The following NBAS variants were observed in gnomAD, a reference collection of about 807,000 sequenced individuals.
NBAS encodes the protein NAG/BC035112 fusion.
A neutral mutation model predicts 302.5 loss-of-function variants in NBAS; 219 were observed. The ratio of observed to expected loss-of-function variants is 0.72; its 90% CI spans 0.65 to 0.81. The LOEUF is 0.81. NBAS is among the 30% of genes least tolerant of loss of function. The pLI, the probability that NBAS is intolerant of heterozygous loss-of-function variation, is 0.00. For synonymous variants in NBAS, 1,118 were observed against 1,021.6 expected (o/e 1.09, Z -1.80); for missense variants, 2,932 against 2,841.6 (o/e 1.03, Z -0.72).
chr2:14,869,144 T>C, the NBAS span, among the ~76,000 whole-genome samples: 1 of 152,198 alleles, frequency 6.6e-6, no homozygotes, highest in East Asian at 1.9e-4. Flanking sequence ...CTAACTGCTA[T>C]TGTTATTGCC....
chr2:15,450,699 A>G (rs1004047143), intron 21 of NBAS, among the ~76,000 whole-genome samples: 1 of 152,242 alleles, frequency 6.6e-6, no homozygotes, highest in African/African-American at 2.4e-5. Flanking sequence ...TATAAAATTT[A>G]TATGACTCAC....
chr2:15,139,408 CTGT>C, the NBAS span, among the ~76,000 whole-genome samples: 2 of 151,936 alleles, frequency 1.3e-5, no homozygotes, highest in African/African-American at 4.8e-5. Flanking sequence ...TATTCAATTG[CTGT>C]TTAAGTGTGA....
intron 44 of NBAS, among the ~76,000 whole-genome samples, chr2:15,251,451 TATA>T (rs1397167990): frequency 3.3e-5 from 5 of 152,100 alleles, no homozygotes; most frequent in African/African-American, 9.7e-5. Context: ...GAACTTGAAG[TATA>T]ATAATAAAAA....
chr2:15,425,884 C>G (rs774500320), intron 22 of NBAS, among the ~76,000 whole-genome samples: 1 of 152,130 alleles, frequency 6.6e-6, no homozygotes, highest in Admixed American at 6.6e-5. Context: ...CTTTGCCCCT[C>G]GTCAGTCTGC....
Position 15,275,618 on chromosome 2 carries a change from T to C in NBAS, c.5590A>G (p.Lys1864Glu). 2 of 1,614,200 alleles carry C rather than the reference T, an allele frequency of 1.2e-6. No individual in the cohort carries two copies. Among genetic ancestry groups the C allele is most frequent in the Non-Finnish European group, 1.7e-6 (2 of 1,180,036 alleles). Residue 1864 changes from lysine to glutamate, a missense_variant, in exon 44 of 52, where the codon AAA (lysine) becomes GAA (glutamate). Lys to Glu is a moderately conservative substitution (Grantham distance 56). Transcript: ENST00000281513. ...LFWTGDPHLIKQVPGSSPEWL... is the reference protein window; with the variant it reads ...LFWTGDPHLIEQVPGSSPEWL... ...TCCGGTGAAGAGCCTGGGACTTGTTTAATGAGATGAGGGTCTCCAGTCCAG... is the reference window on the plus strand; with the variant it reads ...TCCGGTGAAGAGCCTGGGACTTGTTCAATGAGATGAGGGTCTCCAGTCCAG...
At chr2:15,302,370 T>G (rs1670842571) in intron 40 of NBAS, among the ~76,000 whole-genome samples, 1 of 152,214 alleles carries the variant, frequency 6.6e-6, no homozygotes, top group East Asian at 1.9e-4. Context: ...CCTCTTTCCA[T>G]CTGGAGCAGC....
intron 28 of NBAS, among the ~76,000 whole-genome samples, chr2:15,386,257 GA>G (rs1675290309): frequency 6.6e-6 from 1 of 152,190 alleles, no homozygotes; most frequent in Non-Finnish European, 1.5e-5. Context: ...CTAGGAAGGA[GA>G]ATTCAATTAA....
At chr2:14,851,500 T>TA in the NBAS span, among the ~76,000 whole-genome samples, 1 of 143,370 alleles carries the variant, frequency 7.0e-6, no homozygotes, top group East Asian at 2.0e-4. Context: ...CTACCAGAGG[T>TA]ACAAGGAGGA....
intron 35 of NBAS, among the ~76,000 whole-genome samples, chr2:15,346,423 G>A (rs945612419): frequency 6.6e-6 from 1 of 152,152 alleles, no homozygotes; most frequent in Admixed American, 6.5e-5. Flanking sequence ...CTGGTCATTA[G>A]AGAAATGCAA....
the NBAS span, among the ~76,000 whole-genome samples, chr2:15,158,483 G>A: frequency 1.3e-5 from 2 of 152,328 alleles, no homozygotes; most frequent in Non-Finnish European, 2.9e-5. Context: ...AGCAGAACTG[G>A]AGAAGATGGT....
chr2:14,938,491 C>A, the NBAS span, among the ~76,000 whole-genome samples: 1 of 152,230 alleles, frequency 6.6e-6, no homozygotes, highest in Non-Finnish European at 1.5e-5. Context: ...ATTCTAAAAT[C>A]TCTGTGTAAT....
chr2:14,830,516 T>C, the NBAS span, among the ~76,000 whole-genome samples: 2 of 152,184 alleles, frequency 1.3e-5, no homozygotes, highest in Non-Finnish European at 2.9e-5. Context: ...ACAAACCGAA[T>C]AAATATCCAT....
chr2:15,295,236 A>G (rs902893721), intron 40 of NBAS, among the ~76,000 whole-genome samples: 2 of 152,254 alleles, frequency 1.3e-5, no homozygotes, highest in South Asian at 4.1e-4. Flanking sequence ...GCTCCAAAAT[A>G]TAAGTGTATA....
chr2:14,929,671 C>A, the NBAS span, among the ~76,000 whole-genome samples: 1 of 151,874 alleles, frequency 6.6e-6, no homozygotes, highest in African/African-American at 2.4e-5. Flanking sequence ...AGCCACCACT[C>A]CCAGTCCAAC....
chr2:15,366,563 G>A lies in NBAS; in HGVS notation c.3817+17C>T. On this transcript the variant is annotated intron_variant, in intron 32 of 51. Coordinates refer to ENST00000281513, the MANE Select transcript of NBAS (RefSeq NM_015909.4). Reference sequence around the variant, plus strand: ...CATAGAAAGCTTATTCTGCAGTTTAGTACTCAAAAGACTTACCTGCAACCC... The same window carrying A: ...CATAGAAAGCTTATTCTGCAGTTTAATACTCAAAAGACTTACCTGCAACCC... 6.3e-7 allele frequency: 1 copy of A among 1,593,340 alleles called. No individual in the cohort carries two copies. Among genetic ancestry groups the A allele is most frequent in the Middle Eastern group, 1.7e-4 (1 of 6,030 alleles).
chr2:15,066,626 G>A, the NBAS span, among the ~76,000 whole-genome samples: 1 of 152,116 alleles, frequency 6.6e-6, no homozygotes, highest in Admixed American at 6.5e-5. Context: ...CTAATCATCA[G>A]GGAAATGCAA....
At chr2:15,550,977 A>G (rs994963896) in intron 6 of NBAS, among the ~76,000 whole-genome samples, 1 of 152,148 alleles carries the variant, frequency 6.6e-6, no homozygotes, top group Non-Finnish European at 1.5e-5. Flanking sequence ...ATGGGATTTA[A>G]TTTTTCCTTA....
intron 51 of NBAS, among the ~76,000 whole-genome samples, chr2:15,174,065 C>T (rs1421685813): frequency 6.6e-6 from 1 of 152,214 alleles, no homozygotes; most frequent in Non-Finnish European, 1.5e-5. Flanking sequence ...GCAGAGTGAG[C>T]TGCCTATTGC....
chr2:15,082,302 G>C, the NBAS span, among the ~76,000 whole-genome samples: 4 of 152,166 alleles, frequency 2.6e-5, no homozygotes, highest in Non-Finnish European at 5.9e-5. Context: ...TTCAACAGGT[G>C]TTTATGGAGT....
Sources: allele counts gnomAD v4.1 joint callset (sites outside exome capture counted in the v4.1 genomes callset), GRCh38; gene constraint gnomAD v4.1.1; transcripts MANE v1.5; gene names NCBI Gene and HGNC (gene_info 2026-07-23, HGNC 2026-07-21).